Variants in ARHGEF28 observed in about 807,000 individuals in gnomAD.
The protein encoded by ARHGEF28 is 190 kDa guanine nucleotide exchange factor.
In ARHGEF28, 152 loss-of-function variants were observed where a neutral mutation model predicts 206.6. That is an observed-to-expected ratio of 0.74 (90% CI 0.64 to 0.84). The LOEUF is 0.84. Among genes scored for constraint, ARHGEF28 ranks in the 40% least tolerant of loss-of-function variants. ARHGEF28 has a pLI of 0.00. For synonymous variants in ARHGEF28, 763 were observed against 776.4 expected, an observed-to-expected ratio of 0.98 and a Z score of 0.29; for missense variants, 2,028 against 2,073.2, an observed-to-expected ratio of 0.98 and a Z score of 0.42.
intron 9 of ARHGEF28, among the ~76,000 whole-genome samples, chr5:73,818,903 T>C (rs1756400525): frequency 6.6e-6 from 1 of 152,224 alleles, no homozygotes; most frequent in Non-Finnish European, 1.5e-5. Flanking sequence ...CTTCTAGTTT[T>C]AGGGAAGGAC....
intron 26 of ARHGEF28, among the ~76,000 whole-genome samples, chr5:73,888,171 G>A (rs1761416037): frequency 6.6e-6 from 1 of 152,148 alleles, no homozygotes; most frequent in Non-Finnish European, 1.5e-5. Context: ...CTAACCCCGT[G>A]ACTGCCATCG....
At chr5:73,852,820 C>A (rs1561457580) in intron 14 of ARHGEF28, 128 bp downstream of exon 14, 2 of 962,002 alleles carry the variant, frequency 2.1e-6, no homozygotes, top group Non-Finnish European at 3.3e-6. Context: ...GCCTAAGACC[C>A]TTTGCTCCCT....
intron 10 of ARHGEF28, among the ~76,000 whole-genome samples, chr5:73,836,363 C>G (rs1418666564): frequency 7.3e-6 from 1 of 136,864 alleles, no homozygotes; most frequent in Non-Finnish European, 1.5e-5. Context: ...GAGGTGGTAT[C>G]TCATTGTAGT....
chr5:73,913,561 G>A (rs753460130), intron 35 of ARHGEF28, among the ~76,000 whole-genome samples: 134 of 152,206 alleles, frequency 8.8e-4, no homozygotes, highest in Non-Finnish European at 1.6e-3. Flanking sequence ...GGCTCCGTGG[G>A]CGCTTGCCAC....
Position 73,941,103 on chromosome 5 carries a change from G to A in ARHGEF28, c.*90G>A, listed in dbSNP as rs1742589295. On this transcript the variant is annotated 3_prime_UTR_variant, in exon 36 of 36. Transcript: ENST00000513042. ...ATTCCTTATGTATGTGTGATTGTCT[G>A]TGTCCAAATTGCTTTAAGAATAATA... The A allele has an allele frequency of 3.3e-6, 4 of 1,215,592 alleles. No homozygotes were observed. The highest frequency in any genetic ancestry group is 4.2e-6 in the Non-Finnish European group (4 of 942,482). 75.3% of individuals were successfully genotyped at this position (1,215,592 alleles called of 1,614,324 possible). A position where few individuals can be genotyped will look rare whatever the true frequency, so the allele number is the denominator to read the frequency against.
chr5:73,688,647 G>A (rs189803989), intron 2 of ARHGEF28, among the ~76,000 whole-genome samples: 11 of 152,066 alleles, frequency 7.2e-5, no homozygotes, highest in Admixed American at 7.2e-4. Context: ...GGGGAGAGAG[G>A]AGGGTTGCAT....
At chr5:73,834,567 T>A (rs1757497779) in intron 10 of ARHGEF28, among the ~76,000 whole-genome samples, 1 of 151,654 alleles carries the variant, frequency 6.6e-6, no homozygotes, top group Non-Finnish European at 1.5e-5. Flanking sequence ...TGTGTGTGTG[T>A]GTGTGTGCAT....
intron 2 of ARHGEF28, among the ~76,000 whole-genome samples, chr5:73,695,915 C>T (rs1445153161): frequency 6.6e-6 from 1 of 152,188 alleles, no homozygotes; most frequent in Non-Finnish European, 1.5e-5. Flanking sequence ...GTGGACTTTC[C>T]TCATTCTCTT....
At chr5:73,737,403 C>A (rs1009488118) in intron 2 of ARHGEF28, among the ~76,000 whole-genome samples, 1 of 150,802 alleles carries the variant, frequency 6.6e-6, no homozygotes, top group African/African-American at 2.4e-5. Context: ...AGCCCACTGC[C>A]GTTGTTTTTG....
intron 27 of ARHGEF28, 70 bp downstream of exon 27, chr5:73,892,300 C>A: frequency 6.7e-7 from 1 of 1,483,018 alleles, no homozygotes. Flanking sequence ...CTAACCATGT[C>A]TTCCTGCATG....
At chr5:73,723,163 A>T (rs1356692426) in intron 2 of ARHGEF28, among the ~76,000 whole-genome samples, 1 of 152,162 alleles carries the variant, frequency 6.6e-6, no homozygotes, top group East Asian at 1.9e-4. Context: ...GAAAATGGGT[A>T]TCACTGTTTT....
rs756213692 is a variant in ARHGEF28 at position 73,909,399 on chromosome 5, T to G, written c.4162-13T>G. ...CTTGTGTTCAGTGATTTTTCCTCTG[T>G]CTGCTCTGACAGGCCGCCTTGACCA... On this transcript the variant is annotated splice_polypyrimidine_tract_variant and intron_variant, in intron 33 of 35. Transcript: ENST00000513042. The G allele has an allele frequency of 3.8e-6, 6 of 1,582,214 alleles. No homozygotes were observed. In the Admixed American group the frequency reaches 1.0e-4, roughly 27 times the overall value.
At position 73,689,860 on chromosome 5, in the gene ARHGEF28, G is replaced by A. The variant is rs141877979; in HGVS notation, c.33+4976G>A. The stretch of plus-strand genomic sequence containing the variant: ...TAGACTGAATGGTACAATAGTATTA[G>A]GAGGTGTATTTTAAGCTGGAAAGAA... On this transcript the variant is annotated intron_variant, in intron 2 of 35. Coordinates refer to ENST00000513042, the MANE Select transcript of ARHGEF28 (RefSeq NM_001177693.2). Among the ~76,000 whole-genome samples the A allele has an allele frequency of 2.7e-3, 404 of 152,152 alleles. 2 individuals carry two copies. The highest frequency in any genetic ancestry group is 8.7e-3 in the African/African-American group (363 of 41,546).
In ARHGEF28 at chr5:73,911,256, C is replaced by T; in HGVS notation, c.4648-19C>T. On this transcript the variant is annotated intron_variant, in intron 34 of 35. Transcript: ENST00000513042. ...AAGTTAGAAAAATTATTGTACTTTT[C>T]CTCTGTTTCTTTACACAGGTAATGG... 1.3e-6 allele frequency: 2 copies of T among 1,545,932 alleles called. No homozygotes were observed. Among genetic ancestry groups the T allele is most frequent in the Non-Finnish European group, 8.8e-7 (1 of 1,141,096 alleles).
rs367871139 is a variant in ARHGEF28, at chr5:73,688,638, G to A, written c.33+3754G>A. Reference sequence around the variant, plus strand: ...AGATTGGATTGTTTTTTTCTTTTTGGGGAGAGAGGAGGGTTGCATTCTGGA... The same window carrying A: ...AGATTGGATTGTTTTTTTCTTTTTGAGGAGAGAGGAGGGTTGCATTCTGGA... On this transcript the variant is annotated intron_variant, in intron 2 of 35. Transcript: ENST00000513042. Among the ~76,000 whole-genome samples the A allele has an allele frequency of 6.6e-4, 101 of 152,034 alleles. 1 individual carries two copies. The highest frequency in any genetic ancestry group is 2.3e-3 in the African/African-American group (97 of 41,474).
intron 35 of ARHGEF28, among the ~76,000 whole-genome samples, chr5:73,916,496 G>A (rs1433990092): frequency 6.6e-6 from 1 of 152,172 alleles, no homozygotes; most frequent in Non-Finnish European, 1.5e-5. Context: ...TTCTTCCGAG[G>A]CCTCTCTCCT....
At chr5:73,801,234 C>T (rs1389989704) in intron 9 of ARHGEF28, among the ~76,000 whole-genome samples, 5 of 152,002 alleles carry the variant, frequency 3.3e-5, no homozygotes, top group East Asian at 1.9e-4. Flanking sequence ...ATCACGAGGT[C>T]GGGAGATCGA....
chr5:73,922,899 C>T (rs1263667377), intron 35 of ARHGEF28, among the ~76,000 whole-genome samples: 3 of 152,184 alleles, frequency 2.0e-5, no homozygotes, highest in Non-Finnish European at 4.4e-5. Context: ...ACAAGTAGAG[C>T]ACATCCTGTA....
chr5:73,881,626 G>C lies in ARHGEF28; in HGVS notation c.2815-846G>C, dbSNP rs189676889. 5.1e-4 allele frequency among the ~76,000 whole-genome samples: 77 copies of C among 152,284 alleles called. 1 individual carries two copies. In the South Asian group the frequency reaches 0.016, roughly 31 times the overall value. ...AGCAAAGATGAAAAGACCAGAGGTC[G>C]TGATGTAAATTTTAAGTACTTTTAA... On this transcript the variant is annotated intron_variant, in intron 22 of 35. Transcript: ENST00000513042.
Sources: allele counts gnomAD v4.1 joint callset (sites outside exome capture counted in the v4.1 genomes callset), GRCh38; gene constraint gnomAD v4.1.1; transcripts MANE v1.5; gene names NCBI Gene and HGNC (gene_info 2026-07-23, HGNC 2026-07-21).